The following TOX2 variants were observed in gnomAD, a reference collection of about 807,000 sequenced individuals.
TOX2 encodes granulosa cell HMG box 1.
A neutral mutation model predicts 47.4 loss-of-function variants in TOX2; 15 were observed. That is an observed-to-expected ratio of 0.32 (90% confidence interval 0.21 to 0.49). The LOEUF (loss-of-function observed/expected upper bound fraction) is 0.49. Among genes scored for constraint, TOX2 ranks in the 20% least tolerant of loss-of-function variants. TOX2 has a pLI of 0.99. For missense variants in TOX2, 622 were observed against 673.1 expected, an observed-to-expected ratio of 0.92 and a Z score of 0.84; for synonymous variants, 290 against 296.6, an observed-to-expected ratio of 0.98 and a Z score of 0.23.
At chr20:44,063,861 A>C (rs1483379729) in intron 5 of TOX2, among the ~76,000 whole-genome samples, 1 of 152,174 alleles carries the variant, frequency 6.6e-6, no homozygotes, top group Non-Finnish European at 1.5e-5. Context: ...CATTTGCAGC[A>C]ACCTGGATGG....
intron 2 of TOX2, among the ~76,000 whole-genome samples, chr20:44,004,955 T>G (rs1024107613): frequency 1.3e-5 from 2 of 152,212 alleles, no homozygotes; most frequent in African/African-American, 4.8e-5. Context: ...AGAAGGAAGA[T>G]ATTGAATGTT....
At chr20:43,973,916 C>T (rs2070024356) in intron 2 of TOX2, among the ~76,000 whole-genome samples, 1 of 152,178 alleles carries the variant, frequency 6.6e-6, no homozygotes, top group Admixed American at 6.5e-5. Context: ...AGCAGAAGGT[C>T]TTACTGGTGG....
chr20:43,935,927 C>CAAAAAA (rs58300627), intron 1 of TOX2, among the ~76,000 whole-genome samples: 1 of 72,038 alleles, frequency 1.4e-5, no homozygotes, highest in Non-Finnish European at 2.7e-5. Context: ...AACTCCATCC[C>CAAAAAA]AAAAAAAAAA....
chr20:44,054,283 C>T lies in TOX2; in HGVS notation c.652-16C>T, dbSNP rs2145764913. The T allele has an allele frequency of 6.3e-7, 1 of 1,592,556 alleles. No individual in the cohort carries two copies. The highest frequency in any genetic ancestry group is 1.7e-4 in the Middle Eastern group (1 of 5,988). ...CTTGGGCTTCTTTGGTTTTCTGACT[C>T]TTCTCACTCGGGCAGATCTCGGGAG... On this transcript the variant is annotated splice_polypyrimidine_tract_variant and intron_variant, in intron 4 of 8. Coordinates refer to ENST00000341197, the MANE Select transcript of TOX2 (RefSeq NM_001098797.2).
At chr20:44,061,523 GA>G (rs1014035068) in intron 5 of TOX2, among the ~76,000 whole-genome samples, 14 of 147,982 alleles carry the variant, frequency 9.5e-5, no homozygotes, top group Non-Finnish European at 1.8e-4. Context: ...AGTGAATGGG[GA>G]AAAATTGAAA....
In TOX2 at chr20:44,005,282, G is replaced by T. The variant is rs562692189; in HGVS notation, c.166-1265G>T. On this transcript the variant is annotated intron_variant, in intron 2 of 8. Transcript: ENST00000341197. ...TCCATTAGACACTCTTACTCTGTCC[G>T]CTGTGCACATAAACTCTCTTTCATA... 7.4e-4 allele frequency among the ~76,000 whole-genome samples: 113 copies of T among 152,214 alleles called. 1 individual carries two copies. The highest frequency in any genetic ancestry group is 2.6e-3 in the African/African-American group (108 of 41,510).
intron 3 of TOX2, among the ~76,000 whole-genome samples, chr20:44,029,161 C>T (rs974421786): frequency 6.6e-6 from 1 of 152,254 alleles, no homozygotes; most frequent in African/African-American, 2.4e-5. Context: ...CCCTCCAGCT[C>T]CGCTTCCATC....
chr20:44,055,228 C>T (rs8119935), intron 5 of TOX2, among the ~76,000 whole-genome samples: 8,322 of 152,280 alleles, frequency 0.055, 272 homozygotes, highest in African/African-American at 0.1. Context: ...GGAGGCTCAA[C>T]TGGGCTGTTG....
intron 3 of TOX2, among the ~76,000 whole-genome samples, chr20:44,011,660 T>C (rs930594625): frequency 6.6e-6 from 1 of 152,232 alleles, no homozygotes; most frequent in South Asian, 2.1e-4. Flanking sequence ...GGGCCACAGG[T>C]GGCACAGAGG....
In TOX2 at chr20:44,065,849, T is replaced by C. The variant is rs1296826895; in HGVS notation, c.1098T>C (p.Ser366=). The C allele has an allele frequency of 1.2e-6, 2 of 1,613,764 alleles. No individual in the cohort carries two copies. Among genetic ancestry groups the C allele is most frequent in the African/African-American group, 1.3e-5 (1 of 75,054 alleles). The change falls in exon 7 of 9, where the codon AGT becomes AGC. Residue 366 remains serine (S), a synonymous_variant. Coordinates refer to ENST00000341197, the MANE Select transcript of TOX2 (RefSeq NM_001098797.2). ...LTPSDLQAFR[S]GASPASLART... is the part of the protein sequence containing the mutation. ...CGTCGGACCTGCAGGCCTTCCGCAG[T>C]GGGGCCTCCCCTGCCAGCCTCGCCC... is the stretch of plus-strand genomic sequence containing the variant.
Position 43,951,071 on chromosome 20 carries a change from G to T in TOX2, c.100-22296G>T, listed in dbSNP as rs189047774. On this transcript the variant is annotated intron_variant, in intron 1 of 8. Transcript: ENST00000341197. ...CTGGCCCCATGATTGACCTGCATTG[G>T]CCAGAAGCCCCTGCTGACCTTCAGG... is the stretch of plus-strand genomic sequence containing the variant. Among the ~76,000 whole-genome samples the T allele has an allele frequency of 1.6e-3, 249 of 152,188 alleles. 2 individuals carry two copies. Among genetic ancestry groups the T allele is most frequent in the Admixed American group, 8.7e-3 (133 of 15,288 alleles).
intron 5 of TOX2, among the ~76,000 whole-genome samples, chr20:44,062,410 A>G (rs1029793446): frequency 1.9e-4 from 29 of 150,024 alleles, no homozygotes; most frequent in Non-Finnish European, 7.5e-5. Context: ...AAATAAATGA[A>G]TAAATAAAAT....
chr20:43,986,947 C>T (rs1013020038), intron 2 of TOX2, among the ~76,000 whole-genome samples: 5 of 151,948 alleles, frequency 3.3e-5, no homozygotes, highest in African/African-American at 9.7e-5. Flanking sequence ...ACCTGTAGTC[C>T]CAGCTACTCG....
intron 1 of TOX2, chr20:43,945,833 G>A (rs2069459984): frequency 3.2e-6 from 5 of 1,582,462 alleles, no homozygotes; most frequent in Admixed American, 1.7e-5. Context: ...TGGGCCTCCA[G>A]CCAATAGAGG....
intron 3 of TOX2, among the ~76,000 whole-genome samples, chr20:44,049,569 G>A (rs539553936): frequency 6.6e-6 from 1 of 152,306 alleles, no homozygotes; most frequent in South Asian, 2.1e-4. Context: ...GTGCCACGGT[G>A]GTTTGCTGTA....
At position 43,916,201 on chromosome 20, in the gene TOX2, G is replaced by A; in HGVS notation, c.99+1211G>A. The A allele has an allele frequency of 1.1e-5, 11 of 985,538 alleles. No homozygotes were observed. Among genetic ancestry groups the A allele is most frequent in the Non-Finnish European group, 1.3e-5 (11 of 830,006 alleles). The allele number at this position is 985,538 out of a possible 1,614,324, so 61.0% of individuals were successfully genotyped here. A position where few individuals can be genotyped will look rare whatever the true frequency, so the allele number is the denominator to read the frequency against. On this transcript the variant is annotated intron_variant, in intron 1 of 8. Coordinates refer to ENST00000341197, the MANE Select transcript of TOX2 (RefSeq NM_001098797.2). The surrounding 1 kb of genome is among the most constrained non-coding windows in gnomAD (Gnocchi z 5.0). ...GGCGCAGACGCGTGGGCTCCGTGGC[G>A]ATGCGGGGTGAGTGCGCGTCCAGTG...
chr20:43,965,507 A>G (rs2069835436), intron 1 of TOX2, among the ~76,000 whole-genome samples: 1 of 152,132 alleles, frequency 6.6e-6, no homozygotes, highest in Admixed American at 6.5e-5. Flanking sequence ...CGCACAAGAG[A>G]TCGTTCAATG....
intron 3 of TOX2, among the ~76,000 whole-genome samples, chr20:44,035,074 C>A (rs571020642): frequency 6.6e-6 from 1 of 152,240 alleles, no homozygotes; most frequent in African/African-American, 2.4e-5. Flanking sequence ...CAGTGCCTCT[C>A]GGACCTACCT....
intron 2 of TOX2, among the ~76,000 whole-genome samples, chr20:43,988,188 G>A (rs1026941383): frequency 6.6e-6 from 1 of 152,098 alleles, no homozygotes; most frequent in East Asian, 1.9e-4. Flanking sequence ...AAAGTGCTGG[G>A]ATTACAGGCG....
Sources: allele counts gnomAD v4.1 joint callset (sites outside exome capture counted in the v4.1 genomes callset), GRCh38; gene constraint gnomAD v4.1.1; non-coding constraint Gnocchi (gnomAD v3.1); transcripts MANE v1.5; gene names NCBI Gene and HGNC (gene_info 2026-07-23, HGNC 2026-07-21).